The following PLAAT1 variants were observed in gnomAD, a reference collection of about 807,000 sequenced individuals.
PLAAT1 encodes phospholipase A and acyltransferase 1, also known as H-REV107 protein-related protein.
PLAAT1 carries 13 observed loss-of-function variants against 16.4 expected under a neutral mutation model. That is an observed-to-expected ratio of 0.79 (90% confidence interval 0.52 to 1.26). PLAAT1 has a LOEUF of 1.26. Among genes scored for constraint, PLAAT1 ranks in the 50% most tolerant of loss-of-function variants. The pLI is 0.00. For synonymous variants in PLAAT1, 73 were observed against 78.4 expected (o/e 0.93, Z 0.36); for missense variants, 218 against 207.8 (o/e 1.05, Z -0.30).
chr3:193,275,203 C>CT, downstream of PLAAT1: 1 of 1,614,198 alleles, frequency 6.2e-7, no homozygotes, highest in East Asian at 2.2e-5. Flanking sequence ...GTTGAGTCTT[C>CT]TGCTAGCTTC....
At chr3:193,268,225 C>T (rs185804335) in intron 3 of PLAAT1, among the ~76,000 whole-genome samples, 1 of 152,230 alleles carries the variant, frequency 6.6e-6, no homozygotes, top group East Asian at 1.9e-4. Context: ...AAAGATGGCC[C>T]ACACTCTTCA....
rs1385595526 is a variant in PLAAT1, at chr3:193,258,127, C to T, written c.139+2338C>T. 3.9e-5 allele frequency among the ~76,000 whole-genome samples: 6 copies of T among 152,212 alleles called. 1 individual carries two copies. The East Asian group carries it at 1.2e-3, about 29-fold the overall frequency. On this transcript the variant is annotated intron_variant, in intron 2 of 3. Transcript: ENST00000264735. ...ACTCCCTTTCATATATACATCTATC[C>T]TATTAGTCCTGCCCCTCTAGAGACC...
At chr3:193,255,924 T>C in intron 2 of PLAAT1, 135 bp downstream of exon 2, 1 of 784,914 alleles carries the variant, frequency 1.3e-6, no homozygotes, top group Non-Finnish European at 1.8e-6. Context: ...CTAATCTAGG[T>C]TTAGAGAAGG....
downstream of PLAAT1, among the ~76,000 whole-genome samples, chr3:193,274,230 G>A (rs990275556): frequency 2.6e-5 from 4 of 152,094 alleles, no homozygotes; most frequent in Non-Finnish European, 5.9e-5. Context: ...GTGACAGAGC[G>A]AGACACCATC....
chr3:193,274,956 A>G (rs1220253137), downstream of PLAAT1: 2 of 1,520,962 alleles, frequency 1.3e-6, no homozygotes, highest in East Asian at 2.3e-5. Context: ...GAGGAAAGGT[A>G]AGGGGAGAGT....
downstream of PLAAT1, among the ~76,000 whole-genome samples, chr3:193,278,220 T>C (rs941664576): frequency 1.3e-5 from 2 of 152,244 alleles, no homozygotes; most frequent in African/African-American, 4.8e-5. Context: ...TGGAGCTTCG[T>C]GTTTGATAAA....
chr3:193,273,224 A>G (rs950145078), downstream of PLAAT1, among the ~76,000 whole-genome samples: 2 of 152,164 alleles, frequency 1.3e-5, no homozygotes, highest in African/African-American at 4.8e-5. Flanking sequence ...AGCTCAAGGA[A>G]CCTGAACTAC....
intron 2 of PLAAT1, among the ~76,000 whole-genome samples, chr3:193,261,680 G>A (rs1199441244): frequency 1.3e-5 from 2 of 152,066 alleles, no homozygotes; most frequent in Non-Finnish European, 2.9e-5. Flanking sequence ...TTTTCATGCT[G>A]TTTTCTTATT....
intron 1 of PLAAT1, among the ~76,000 whole-genome samples, chr3:193,248,282 T>C (rs1217485766): frequency 1.3e-5 from 2 of 152,162 alleles, no homozygotes; most frequent in Admixed American, 1.3e-4. Flanking sequence ...CATTATCAGC[T>C]TATATGTGTT....
downstream of PLAAT1, among the ~76,000 whole-genome samples, chr3:193,274,020 A>G (rs950290353): frequency 6.6e-5 from 10 of 152,008 alleles, no homozygotes; most frequent in African/African-American, 2.4e-4. Context: ...GAGGTGGGTG[A>G]ATCACTTGAG....
intron 2 of PLAAT1, chr3:193,276,975 T>G: frequency 6.4e-6 from 4 of 620,704 alleles, no homozygotes; most frequent in Non-Finnish European, 1.1e-5. Context: ...ATAATACAAC[T>G]GAAGGACTCA....
intron 2 of PLAAT1, among the ~76,000 whole-genome samples, chr3:193,258,436 AC>A (rs1716458672): frequency 6.6e-6 from 1 of 151,912 alleles, no homozygotes; most frequent in Non-Finnish European, 1.5e-5. Flanking sequence ...AAATGGAGAT[AC>A]AAAAATCCAT....
rs199854762 is a variant in PLAAT1, at chr3:193,255,792, G to A, written c.139+3G>A. 3.4e-5 allele frequency: 53 copies of A among 1,580,444 alleles called. No homozygotes were observed. Among genetic ancestry groups the A allele is most frequent in the Non-Finnish European group, 4.4e-5 (51 of 1,161,176 alleles). ...CGTTATCAACATAGCACCTGTAGGT[G>A]AGGTTTATTTCCAGTGGCTCCTGGG... On this transcript the variant is annotated splice_donor_region_variant and intron_variant, in intron 2 of 3. Transcript: ENST00000264735.
At position 193,270,666 on chromosome 3, in the gene PLAAT1, G is replaced by A. The variant is rs1244205845; in HGVS notation, c.468G>A (p.Leu156=). 2 of 1,613,336 alleles carry A rather than the reference G, an allele frequency of 1.2e-6. No homozygotes were observed. Among genetic ancestry groups the A allele is most frequent in the Admixed American group, 1.7e-5 (1 of 60,004 alleles). The part of the protein sequence containing the change: ...VTAAVGVFSF[L]GLFPKGQRAK... ...CTGCTGTTGGTGTCTTCTCATTCCT[G>A]GGCTTGTTTCCAAAAGGACAAAGAG... Residue 156 remains leucine, a synonymous_variant, in exon 4 of 4, where the codon CTG becomes CTA. Coordinates refer to ENST00000264735, the MANE Select transcript of PLAAT1 (RefSeq NM_020386.5).
At position 193,270,073 on chromosome 3, in the gene PLAAT1, C is replaced by T. The variant is rs865996712; in HGVS notation, c.406-531C>T. On this transcript the variant is annotated intron_variant, in intron 3 of 3. Coordinates refer to ENST00000264735, the MANE Select transcript of PLAAT1 (RefSeq NM_020386.5). ...TTTGCTATTTGACATCCCTGAAACA[C>T]ACACACACACACACACACACACACA... 9.8e-3 allele frequency among the ~76,000 whole-genome samples: 1,358 copies of T among 137,968 alleles called. 18 individuals are homozygous for T. Among genetic ancestry groups the T allele is most frequent in the African/African-American group, 0.04 (1,276 of 31,542 alleles). 90.5% of individuals were successfully genotyped at this position (137,968 alleles called of 152,430 possible). A position where few individuals can be genotyped will look rare whatever the true frequency, so the allele number is the denominator to read the frequency against.
chr3:193,256,793 G>A lies in PLAAT1; in HGVS notation c.139+1004G>A, dbSNP rs528433321. On this transcript the variant is annotated intron_variant, in intron 2 of 3. Transcript: ENST00000264735. ...GGGAAATATTTAGAGATGTAGACAA[G>A]CATTTCTGTGTAAGGATATTCACTT... is the stretch of plus-strand genomic sequence containing the variant. 4.6e-5 allele frequency among the ~76,000 whole-genome samples: 7 copies of A among 152,262 alleles called. No homozygotes were observed. The South Asian group carries it at 8.3e-4, about 18-fold the overall frequency.
upstream of PLAAT1, chr3:193,241,033 G>A (rs1715704034): frequency 4.8e-6 from 2 of 415,550 alleles, no homozygotes; most frequent in Admixed American, 4.7e-5. Context: ...TGGTTGCGCG[G>A]CGCTTTGACC....
In PLAAT1 at chr3:193,255,777, A is replaced by G. The variant is rs1263281316; in HGVS notation, c.127A>G (p.Ile43Val). 1.9e-6 allele frequency: 3 copies of G among 1,600,722 alleles called. No individual in the cohort carries two copies. The highest frequency in any genetic ancestry group is 2.6e-6 in the Non-Finnish European group (3 of 1,172,528). Residue 43 changes from isoleucine (I) to valine (V), a missense_variant, in exon 2 of 4, where the codon ATA (isoleucine) becomes GTA (valine). Transcript: ENST00000264735. ...CTTGGGTGATGGTTACGTTATCAAC[A>G]TAGCACCTGTAGGTGAGGTTTATTT... ...LYLGDGYVIN[I>V]APVDGIPASF...
At chr3:193,268,595 C>A (rs1226533012) in intron 3 of PLAAT1, among the ~76,000 whole-genome samples, 1 of 152,108 alleles carries the variant, frequency 6.6e-6, no homozygotes, top group African/African-American at 2.4e-5. Context: ...ACATCACATC[C>A]CATTACTCCT....
Sources: allele counts gnomAD v4.1 joint callset (sites outside exome capture counted in the v4.1 genomes callset), GRCh38; gene constraint gnomAD v4.1.1; transcripts MANE v1.5; gene names NCBI Gene and HGNC (gene_info 2026-07-23, HGNC 2026-07-21).